RMST: variants seen among roughly 807,000 people sequenced by gnomAD.
RMST encodes the protein long intergenic non-protein coding RNA 54.
intron 10 of RMST, among the ~76,000 whole-genome samples, chr12:97,499,849 G>A (rs2136474500): frequency 6.6e-6 from 1 of 151,942 alleles, no homozygotes; most frequent in East Asian, 1.9e-4. Flanking sequence ...TGTACAGATG[G>A]GGTTTCACCA....
chr12:97,550,487 C>T (rs954230885), intron 11 of RMST, among the ~76,000 whole-genome samples: 1 of 152,118 alleles, frequency 6.6e-6, no homozygotes, highest in African/African-American at 2.4e-5. Flanking sequence ...TTTCAACAAT[C>T]CAACATGAAC....
At chr12:97,526,909 T>A (rs760521263) in intron 10 of RMST, among the ~76,000 whole-genome samples, 1 of 152,152 alleles carries the variant, frequency 6.6e-6, no homozygotes, top group Non-Finnish European at 1.5e-5. Context: ...TTAGTCACAG[T>A]CTTCATAATA....
At chr12:97,469,184 G>T (rs199671911) in intron 5 of RMST, among the ~76,000 whole-genome samples, 1 of 131,720 alleles carries the variant, frequency 7.6e-6, no homozygotes. Flanking sequence ...GTGTGTGTAT[G>T]TGTGTATATA....
chr12:97,564,082 G>A, intron 13 of RMST: 1 of 333,392 alleles, frequency 3.0e-6, no homozygotes, highest in Non-Finnish European at 6.0e-6. Context: ...CGTAATCATT[G>A]ATTAACATGC....
intron 5 of RMST, among the ~76,000 whole-genome samples, chr12:97,487,331 TA>T (rs1876225001): frequency 6.6e-6 from 1 of 152,222 alleles, no homozygotes; most frequent in Non-Finnish European, 1.5e-5. Context: ...TGAGCTTTTT[TA>T]AACTTTCCAT....
chr12:97,519,756 T>C (rs1397063620), intron 10 of RMST, among the ~76,000 whole-genome samples: 1 of 152,244 alleles, frequency 6.6e-6, no homozygotes, highest in African/African-American at 2.4e-5. Context: ...CCTAAGTGCC[T>C]GTGCTATCTT....
At chr12:97,556,043 T>A (rs181649278) in intron 11 of RMST, among the ~76,000 whole-genome samples, 123 of 152,296 alleles carry the variant, frequency 8.1e-4, no homozygotes, top group Non-Finnish European at 1.6e-3. Context: ...CATGACAACT[T>A]TCCACTTACT....
At chr12:97,490,062 T>G (rs1378961917) in intron 5 of RMST, among the ~76,000 whole-genome samples, 7 of 152,184 alleles carry the variant, frequency 4.6e-5, no homozygotes, top group Non-Finnish European at 1.0e-4. Context: ...TATGTGATAG[T>G]TTTCACATTT....
intron 5 of RMST, among the ~76,000 whole-genome samples, chr12:97,488,027 T>C (rs895224888): frequency 1.1e-4 from 17 of 152,344 alleles, no homozygotes; most frequent in African/African-American, 4.1e-4. Context: ...CAGAAGGCTG[T>C]CTCTGGGACA....
chr12:97,479,386 C>T (rs904188794), intron 5 of RMST, among the ~76,000 whole-genome samples: 5 of 152,146 alleles, frequency 3.3e-5, no homozygotes, highest in African/African-American at 7.2e-5. Flanking sequence ...CTCCTGGCCT[C>T]GAGTTATCCT....
chr12:97,535,626 T>C (rs1434899225), intron 11 of RMST, among the ~76,000 whole-genome samples: 2 of 151,666 alleles, frequency 1.3e-5, no homozygotes, highest in Non-Finnish European at 3.0e-5. Flanking sequence ...TGGTGAAGCC[T>C]TTCCTTCACC....
rs1229335238 is a variant in RMST, at chr12:97,505,750, T to C, written n.1340+9694T>C. Among the ~76,000 whole-genome samples the C allele has an allele frequency of 4.6e-5, 7 of 152,306 alleles. No individual in the cohort carries two copies. In the East Asian group the frequency reaches 1.3e-3, roughly 29 times the overall value. Reference sequence around the variant, plus strand: ...ATCCAGAGAGAATTTTAGAGCTGGGTTTAAGTTTTGATATCACTGCCATGA... The same window carrying C: ...ATCCAGAGAGAATTTTAGAGCTGGGCTTAAGTTTTGATATCACTGCCATGA... On this transcript the variant is annotated intron_variant and non_coding_transcript_variant, in intron 10 of 13. Coordinates refer to ENST00000640149, the Ensembl canonical transcript of RMST.
intron 5 of RMST, among the ~76,000 whole-genome samples, chr12:97,489,115 AT>A (rs1232382607): frequency 6.6e-6 from 1 of 152,222 alleles, no homozygotes; most frequent in Non-Finnish European, 1.5e-5. Flanking sequence ...TAAGCAAGCA[AT>A]ACTTTTATGT....
chr12:97,468,783 A>G (rs542848906), intron 5 of RMST, among the ~76,000 whole-genome samples: 2 of 152,156 alleles, frequency 1.3e-5, no homozygotes, highest in East Asian at 3.9e-4. Flanking sequence ...AATTGGAAAC[A>G]TGGAAGTCAA....
At chr12:97,506,688 T>C (rs978787559) in intron 10 of RMST, among the ~76,000 whole-genome samples, 1 of 145,184 alleles carries the variant, frequency 6.9e-6, no homozygotes, top group African/African-American at 2.6e-5. Context: ...TTTTTTTTTT[T>C]TTTTTTTTTT....
At chr12:97,533,091 G>A (rs977060753) in intron 11 of RMST, 1 of 151,802 alleles carries the variant, frequency 6.6e-6, no homozygotes, top group African/African-American at 2.4e-5. Context: ...TCTGGTGGCA[G>A]AGAATATACA....
intron 11 of RMST, among the ~76,000 whole-genome samples, chr12:97,531,677 C>A (rs190958573): frequency 6.6e-6 from 1 of 152,080 alleles, no homozygotes; most frequent in East Asian, 1.9e-4. Flanking sequence ...TGCTGTGTCA[C>A]ACCACCATTA....
chr12:97,520,830 A>C (rs913446608), intron 10 of RMST, among the ~76,000 whole-genome samples: 4 of 152,180 alleles, frequency 2.6e-5, no homozygotes, highest in African/African-American at 9.7e-5. Context: ...TATTGGAGCA[A>C]AAGGCATACA....
intron 11 of RMST, among the ~76,000 whole-genome samples, chr12:97,556,443 C>T (rs942852190): frequency 6.6e-6 from 1 of 152,184 alleles, no homozygotes; most frequent in African/African-American, 2.4e-5. Flanking sequence ...GCTGGGGACA[C>T]ATTTCTTAAC....
Sources: gnomAD v4.1 joint callset for allele counts (sites outside exome capture counted in the v4.1 genomes callset) on GRCh38, gnomAD v4.1.1 for gene constraint, MANE v1.5 for transcripts, NCBI Gene and HGNC (gene_info 2026-07-23, HGNC 2026-07-21) for gene names.